The following DUSP14 variants were observed in gnomAD, a reference collection of about 807,000 sequenced individuals.
DUSP14 encodes dual specificity protein phosphatase 14.
Under a neutral mutation model 13.2 loss-of-function variants are expected in DUSP14, and 5 were observed. That is an observed-to-expected ratio of 0.38 (90% CI 0.20 to 0.80). DUSP14 has a LOEUF of 0.80. Among genes scored for constraint, DUSP14 ranks in the 30% least tolerant of loss-of-function variants. DUSP14 has a pLI of 0.44. For missense variants in DUSP14, 185 were observed against 264.0 expected (o/e 0.70, Z 2.07); for synonymous variants, 91 against 103.4 (o/e 0.88, Z 0.73).
intron 1 of DUSP14, among the ~76,000 whole-genome samples, chr17:37,498,715 C>G (rs12936196): frequency 6.7e-6 from 1 of 149,314 alleles, no homozygotes; most frequent in African/African-American, 2.5e-5. Context: ...TACGGAGTTT[C>G]TTATTCCATT....
intron 1 of DUSP14, among the ~76,000 whole-genome samples, chr17:37,501,164 G>C (rs1049247595): frequency 2.0e-5 from 3 of 152,214 alleles, no homozygotes; most frequent in African/African-American, 7.2e-5. Context: ...ATCCGGGAGA[G>C]GCTGAGCAGT....
At chr17:37,510,986 A>T (rs1304006232) in intron 2 of DUSP14, among the ~76,000 whole-genome samples, 1 of 117,166 alleles carries the variant, frequency 8.5e-6, no homozygotes, top group Non-Finnish European at 1.7e-5. Flanking sequence ...ATTAAATGTC[A>T]ATATATATAT....
intron 1 of DUSP14, among the ~76,000 whole-genome samples, chr17:37,498,074 A>C (rs2054077706): frequency 6.6e-6 from 1 of 151,634 alleles, no homozygotes; most frequent in African/African-American, 2.4e-5. Flanking sequence ...AGAAATCTTT[A>C]CTAGCCTTTA....
chr17:37,511,287 GGTTTTT>G (rs1292914220), intron 2 of DUSP14, among the ~76,000 whole-genome samples: 12 of 151,958 alleles, frequency 7.9e-5, no homozygotes, highest in Non-Finnish European at 1.2e-4. Flanking sequence ...TTTTGGTTTG[GGTTTTT>G]GTTTTTGTTT....
chr17:37,502,946 C>G lies in DUSP14; in HGVS notation c.-180-7731C>G, dbSNP rs1207393525. Among the ~76,000 whole-genome samples, 5 of 152,164 alleles carry G rather than the reference C, an allele frequency of 3.3e-5. No individual in the cohort carries two copies. The East Asian group carries it at 9.6e-4, about 29-fold the overall frequency. On this transcript the variant is annotated intron_variant, in intron 1 of 2. Transcript: ENST00000617516. ...AGTGCAGTGGCGCCATCGTAGCCCC[C>G]TACAACCTTGAACTCCTGAGCTGAA...
intron 1 of DUSP14, among the ~76,000 whole-genome samples, chr17:37,491,800 A>C (rs1039300210): frequency 6.6e-6 from 1 of 152,214 alleles, no homozygotes. Flanking sequence ...ATTTTAAGGC[A>C]AAATGGATTA....
intron 1 of DUSP14, among the ~76,000 whole-genome samples, chr17:37,502,770 G>A (rs1226160886): frequency 6.6e-6 from 1 of 152,154 alleles, no homozygotes; most frequent in East Asian, 1.9e-4. Context: ...CTTCCTCACA[G>A]CATGGCAGCT....
chr17:37,493,649 T>C (rs1376343285), intron 1 of DUSP14, among the ~76,000 whole-genome samples: 1 of 151,834 alleles, frequency 6.6e-6, no homozygotes, highest in Admixed American at 6.6e-5. Context: ...TTGACAAATA[T>C]CTAATGGAAT....
At chr17:37,494,999 C>A (rs1455225569) in intron 1 of DUSP14, among the ~76,000 whole-genome samples, 1 of 151,962 alleles carries the variant, frequency 6.6e-6, no homozygotes, top group Non-Finnish European at 1.5e-5. Flanking sequence ...ATTTTAGAAA[C>A]CACATGCGGA....
intron 1 of DUSP14, among the ~76,000 whole-genome samples, chr17:37,497,468 A>G (rs1438695050): frequency 6.6e-6 from 1 of 152,124 alleles, no homozygotes; most frequent in African/African-American, 2.4e-5. Flanking sequence ...ATGAATGTCA[A>G]AAGGACATAG....
intron 1 of DUSP14, among the ~76,000 whole-genome samples, chr17:37,495,514 G>A (rs2054057801): frequency 6.6e-6 from 1 of 152,098 alleles, no homozygotes; most frequent in African/African-American, 2.4e-5. Flanking sequence ...GAGTGTGTGG[G>A]TACATATGAG....
chr17:37,503,882 C>G (rs1209759371), intron 1 of DUSP14, among the ~76,000 whole-genome samples: 1 of 152,138 alleles, frequency 6.6e-6, no homozygotes, highest in Non-Finnish European at 1.5e-5. Flanking sequence ...CATATCCCAG[C>G]AGCTGGCTAG....
intron 1 of DUSP14, among the ~76,000 whole-genome samples, chr17:37,503,608 AG>A (rs1229902142): frequency 2.0e-5 from 3 of 152,226 alleles, no homozygotes; most frequent in Non-Finnish European, 4.4e-5. Context: ...TTAAGCACCA[AG>A]GTGGGTGAGG....
At chr17:37,490,309 G>GC (rs1269331296) in intron 1 of DUSP14, among the ~76,000 whole-genome samples, 1 of 152,122 alleles carries the variant, frequency 6.6e-6, no homozygotes, top group Non-Finnish European at 1.5e-5. Flanking sequence ...TTCCGACCCC[G>GC]CTGAGGCCGC....
intron 1 of DUSP14, among the ~76,000 whole-genome samples, chr17:37,498,635 T>G (rs1597968559): frequency 1.3e-5 from 2 of 151,732 alleles, no homozygotes; most frequent in Admixed American, 1.3e-4. Flanking sequence ...CTAGATTGTA[T>G]CTTAAATCCA....
At chr17:37,489,679 C>T (rs542159740), upstream of DUSP14, among the ~76,000 whole-genome samples, 1 of 151,778 alleles carries the variant, frequency 6.6e-6, no homozygotes, top group Admixed American at 6.6e-5. Context: ...CTAGGGGAGG[C>T]TGCTGCCTCG....
intron 1 of DUSP14, among the ~76,000 whole-genome samples, chr17:37,506,981 C>T (rs781774801): frequency 1.3e-5 from 2 of 152,214 alleles, no homozygotes; most frequent in Non-Finnish European, 2.9e-5. Context: ...TGGAGCGCCG[C>T]GAGGCAGGTG....
chr17:37,490,720 C>T (rs1399305729), intron 1 of DUSP14, among the ~76,000 whole-genome samples: 1 of 151,630 alleles, frequency 6.6e-6, no homozygotes, highest in Non-Finnish European at 1.5e-5. Flanking sequence ...TTTAAAACCA[C>T]CTTGTACTTT....
chr17:37,500,124 C>G (rs8074001), intron 1 of DUSP14, among the ~76,000 whole-genome samples: 6,966 of 152,338 alleles, frequency 0.046, 507 homozygotes, highest in African/African-American at 0.15. Context: ...TTACCTCACC[C>G]TGCTCGGAAA....
Sources: gnomAD v4.1 joint callset for allele counts (sites outside exome capture counted in the v4.1 genomes callset) on GRCh38, gnomAD v4.1.1 for gene constraint, MANE v1.5 for transcripts, NCBI Gene and HGNC (gene_info 2026-07-23, HGNC 2026-07-21) for gene names.